The following WRN variants were observed in gnomAD, a reference collection of about 807,000 sequenced individuals.
WRN encodes the protein bifunctional 3'-5' exonuclease/ATP-dependent helicase WRN.
In WRN, 149 loss-of-function variants were observed where a neutral mutation model predicts 180.7. That is an observed-to-expected ratio of 0.82 (90% CI 0.72 to 0.94). The LOEUF (loss-of-function observed/expected upper bound fraction) is 0.94. Ranked by LOEUF, WRN falls within the 40% of genes least tolerant of loss-of-function variation. The probability of loss-of-function intolerance (pLI) is 0.00; values close to 1 mark genes in which losing one functional copy is unlikely to be tolerated. For missense variants in WRN, 1,661 were observed against 1,700.1 expected, an observed-to-expected ratio of 0.98 and a Z score of 0.40; for synonymous variants, 548 against 568.9, an observed-to-expected ratio of 0.96 and a Z score of 0.52.
intron 1 of WRN, among the ~76,000 whole-genome samples, chr8:31,044,338 C>G (rs1225663313): frequency 7.5e-6 from 1 of 134,076 alleles, no homozygotes; most frequent in East Asian, 2.3e-4. Context: ...GCTTGCCCGA[C>G]CTTCTTTTTT....
chr8:31,136,563 G>C (rs1317673730), intron 24 of WRN, among the ~76,000 whole-genome samples: 1 of 152,122 alleles, frequency 6.6e-6, no homozygotes, highest in Non-Finnish European at 1.5e-5. Flanking sequence ...CAATGGACAT[G>C]GTAGCTCACA....
At chr8:31,078,377 A>G (rs1813174341) in intron 8 of WRN, among the ~76,000 whole-genome samples, 1 of 152,204 alleles carries the variant, frequency 6.6e-6, no homozygotes, top group Non-Finnish European at 1.5e-5. Context: ...AGTCAAAATA[A>G]TGCTATAAGC....
At chr8:31,150,501 T>C in intron 31 of WRN, 46 bp downstream of exon 31, 2 of 1,554,282 alleles carry the variant, frequency 1.3e-6, no homozygotes, top group South Asian at 2.2e-5. Context: ...TAAGCATTTT[T>C]TGTAACCATT....
At chr8:31,160,360 TAAGCTGTA>T (rs1803564142) in intron 33 of WRN, among the ~76,000 whole-genome samples, 1 of 152,208 alleles carries the variant, frequency 6.6e-6, no homozygotes, top group Non-Finnish European at 1.5e-5. Context: ...AATCCTGAAG[TAAGCTGTA>T]AAACATCCAA....
chr8:31,119,602 C>T (rs192310852), intron 20 of WRN, among the ~76,000 whole-genome samples: 299 of 151,872 alleles, frequency 2.0e-3, no homozygotes, highest in African/African-American at 6.8e-3. Flanking sequence ...ATAATTATTA[C>T]TCTGTAAATG....
chr8:31,129,262 A>C (rs2725355), intron 23 of WRN, among the ~76,000 whole-genome samples: 70,609 of 152,058 alleles, frequency 0.46, 16,772 homozygotes, highest in East Asian at 0.62. Context: ...GATTATAGGC[A>C]TGAGCCATCA....
chr8:31,105,117 A>G (rs1001520239), intron 18 of WRN, among the ~76,000 whole-genome samples: 9 of 152,258 alleles, frequency 5.9e-5, no homozygotes, highest in Non-Finnish European at 1.3e-4. Context: ...CAAACCAAAA[A>G]TAAATTAAAT....
chr8:31,157,556 C>T (rs779006209), intron 33 of WRN, 26 bp downstream of exon 33: 3 of 1,613,442 alleles, frequency 1.9e-6, no homozygotes, highest in Non-Finnish European at 2.5e-6. Context: ...TAGCTCTGCA[C>T]CCTTAATGAC....
In WRN at chr8:31,174,349, G is replaced by A. The variant is rs892309226; in HGVS notation, c.*1247G>A. Among the ~76,000 whole-genome samples the A allele has an allele frequency of 1.3e-5, 2 of 152,226 alleles. No individual in the cohort carries two copies. Among genetic ancestry groups the A allele is most frequent in the Non-Finnish European group, 2.9e-5 (2 of 68,038 alleles). On this transcript the variant is annotated 3_prime_UTR_variant, in exon 35 of 35. Transcript: ENST00000298139. ...CTGCTGCATGCCTAGGTACGAGGCT[G>A]TCTCCAGGAGAAGCACTTGTTTGAT...
intron 8 of WRN, among the ~76,000 whole-genome samples, chr8:31,080,108 A>C (rs1813241446): frequency 6.6e-6 from 1 of 152,154 alleles, no homozygotes; most frequent in African/African-American, 2.4e-5. Flanking sequence ...CTGGAACTTC[A>C]GACCTCAAGT....
chr8:31,126,961 ATAACT>A (rs1398547588), intron 23 of WRN, among the ~76,000 whole-genome samples: 1 of 152,198 alleles, frequency 6.6e-6, no homozygotes, highest in East Asian at 1.9e-4. Context: ...AACTCAGAAC[ATAACT>A]TTAATAATTT....
intron 1 of WRN, among the ~76,000 whole-genome samples, chr8:31,054,148 CA>C (rs1812178623): frequency 6.6e-6 from 1 of 151,838 alleles, no homozygotes; most frequent in Non-Finnish European, 1.5e-5. Flanking sequence ...AAGTCTTGGT[CA>C]GGAGTAGAGT....
rs1249084291 is a variant in WRN, at chr8:31,091,846, G to C, written c.1846G>C (p.Ala616Pro). Residue 616 changes from alanine (A) to proline (P), a missense_variant, in exon 16 of 35, where the codon GCT (alanine) becomes CCT (proline). Transcript: ENST00000298139. ...TTCTTATAGAATGTCCAACATCCCA[G>C]CTTGCTTCCTTGGATCAGCACAGTC... The part of the protein sequence containing the change: ...VLQLKMSNIP[A>P]CFLGSAQSEN... 5.0e-6 allele frequency: 8 copies of C among 1,613,088 alleles called. 1 individual carries two copies. The South Asian group carries it at 7.7e-5, about 15-fold the overall frequency.
intron 13 of WRN, among the ~76,000 whole-genome samples, chr8:31,089,703 C>T (rs938330235): frequency 5.9e-5 from 9 of 151,952 alleles, no homozygotes; most frequent in African/African-American, 2.2e-4. Context: ...AAGACCACCT[C>T]TCCAATTGAT....
chr8:31,081,782 A>T (rs1487106211), intron 9 of WRN, among the ~76,000 whole-genome samples: 1 of 150,822 alleles, frequency 6.6e-6, no homozygotes, highest in Non-Finnish European at 1.5e-5. Context: ...TTTTTTTGAG[A>T]CAAGGTTTTG....
At chr8:31,095,626 A>AT (rs1451812404) in intron 16 of WRN, among the ~76,000 whole-genome samples, 1 of 152,178 alleles carries the variant, frequency 6.6e-6, no homozygotes, top group East Asian at 1.9e-4. Flanking sequence ...TTCCAGCTCC[A>AT]TTTTTTAAAA....
At chr8:31,103,772 T>C (rs1039871845) in intron 18 of WRN, among the ~76,000 whole-genome samples, 26 of 152,330 alleles carry the variant, frequency 1.7e-4, no homozygotes, top group African/African-American at 5.5e-4. Flanking sequence ...TCTGGTTCTG[T>C]CACCCTGGCT....
intron 7 of WRN, among the ~76,000 whole-genome samples, chr8:31,069,096 A>G (rs1271962600): frequency 6.6e-6 from 1 of 152,274 alleles, no homozygotes; most frequent in Admixed American, 6.5e-5. Context: ...AAGCATCTGT[A>G]TTGATATAAA....
intron 1 of WRN, among the ~76,000 whole-genome samples, chr8:31,042,087 T>G (rs1385324309): frequency 6.6e-6 from 1 of 152,144 alleles, no homozygotes; most frequent in Non-Finnish European, 1.5e-5. Context: ...ATGAAAAGAT[T>G]GTTGGAATTG....
Sources: gnomAD v4.1 joint callset for allele counts (sites outside exome capture counted in the v4.1 genomes callset) on GRCh38, gnomAD v4.1.1 for gene constraint, MANE v1.5 for transcripts, NCBI Gene and HGNC (gene_info 2026-07-23, HGNC 2026-07-21) for gene names.